Variants in URI1 observed in about 807,000 individuals in gnomAD.
The protein encoded by URI1 is URI1 prefoldin like chaperone.
URI1 carries 39 observed loss-of-function variants against 60.2 expected under a neutral mutation model. The ratio of observed to expected loss-of-function variants is 0.65; its 90% confidence interval spans 0.50 to 0.85. The LOEUF (loss-of-function observed/expected upper bound fraction) is 0.85, where lower values mean the gene tolerates loss of function less well. Among genes scored for constraint, URI1 ranks in the 40% least tolerant of loss-of-function variants. URI1 has a pLI of 0.00. For synonymous variants in URI1, 251 were observed against 236.8 expected, an observed-to-expected ratio of 1.06 and a Z score of -0.55; for missense variants, 691 against 665.9, an observed-to-expected ratio of 1.04 and a Z score of -0.42.
chr19:29,931,204 G>A (rs1371960205), intron 1 of URI1, among the ~76,000 whole-genome samples: 1 of 152,156 alleles, frequency 6.6e-6, no homozygotes, highest in South Asian at 2.1e-4. Flanking sequence ...TGAATCTGTG[G>A]ATGGCTTTGG....
chr19:29,931,910 T>TTTTGTGTG (rs1555734364), intron 1 of URI1, among the ~76,000 whole-genome samples: 1 of 139,992 alleles, frequency 7.1e-6, no homozygotes, highest in Non-Finnish European at 1.5e-5. Context: ...GCTCTAACAG[T>TTTTGTGTG]TGTGTGTGTG....
At position 30,015,288 on chromosome 19, in the gene URI1, A is replaced by G. The variant is rs2056072618; in HGVS notation, c.*219A>G. On this transcript the variant is annotated 3_prime_UTR_variant, in exon 11 of 11. Transcript: ENST00000392271. ...TTTTGTGAATTCTCTGAATACTGTC[A>G]ACACTCTTATCTAAGTTTGCCTTTA... 1.2e-5 allele frequency: 17 copies of G among 1,419,130 alleles called. No individual in the cohort carries two copies. In the South Asian group the frequency reaches 2.6e-4, roughly 22 times the overall value. 87.9% of individuals were successfully genotyped at this position (1,419,130 alleles called of 1,614,324 possible).
chr19:30,008,980 T>G, intron 7 of URI1, 25 bp from the exon 8 acceptor site: 1 of 1,529,118 alleles, frequency 6.5e-7, no homozygotes, highest in Non-Finnish European at 8.9e-7. Context: ...GTTTGTTTGA[T>G]CTTGTTAATT....
At chr19:29,936,007 A>G (rs750743935) in intron 1 of URI1, among the ~76,000 whole-genome samples, 198 of 152,226 alleles carry the variant, frequency 1.3e-3, no homozygotes, top group Non-Finnish European at 2.2e-3. Flanking sequence ...AGGCTGGTCT[A>G]GAATGCCTGA....
At chr19:29,994,781 ATT>A (rs539678001) in intron 4 of URI1, among the ~76,000 whole-genome samples, 53 of 136,432 alleles carry the variant, frequency 3.9e-4, no homozygotes, top group East Asian at 4.3e-4. Context: ...AATTCTGTGG[ATT>A]TTTTTTTTTT....
chr19:29,979,706 G>A (rs2145353327), intron 2 of URI1, among the ~76,000 whole-genome samples: 1 of 152,108 alleles, frequency 6.6e-6, no homozygotes, highest in Middle Eastern at 3.4e-3. Context: ...AAAGTTTTCT[G>A]ATGGACTCAT....
At chr19:29,956,958 C>A in intron 1 of URI1, 2 of 938,948 alleles carry the variant, frequency 2.1e-6, no homozygotes, top group South Asian at 2.6e-5. Flanking sequence ...TCTGGAATGT[C>A]AACAGTCTGA....
At chr19:29,960,121 C>G (rs1256589336) in intron 1 of URI1, among the ~76,000 whole-genome samples, 2 of 152,118 alleles carry the variant, frequency 1.3e-5, no homozygotes, top group African/African-American at 4.8e-5. Context: ...TTATTTTCTA[C>G]TTATTTTTCT....
At chr19:29,975,088 G>A (rs1042954580) in intron 2 of URI1, among the ~76,000 whole-genome samples, 2 of 150,994 alleles carry the variant, frequency 1.3e-5, no homozygotes, top group African/African-American at 4.9e-5. Flanking sequence ...TTTTTTGGGT[G>A]GTCTGTATTC....
chr19:30,011,237 G>C lies in URI1; in HGVS notation c.1178+1G>C, dbSNP rs781775165. On this transcript the variant is annotated splice_donor_variant, in intron 9 of 10. Transcript: ENST00000392271. LOFTEE classifies it high-confidence loss of function. ...TCAGGACGCCTGCAGACATTTACAGGTGGGAGGCGCTCACAGCTGCAGGGC... is the reference window on the plus strand; with the variant it reads ...TCAGGACGCCTGCAGACATTTACAGCTGGGAGGCGCTCACAGCTGCAGGGC... 6.2e-7 allele frequency: 1 copy of C among 1,600,020 alleles called. No homozygotes were observed.
In URI1 at chr19:29,986,149, C is replaced by T; in HGVS notation, c.232-133C>T. Reference sequence around the variant, plus strand: ...AATATAGTGTTGAATTTCTGTGAAGCTGGCATTTTATTTTTCCCAATGTAT... The same window carrying T: ...AATATAGTGTTGAATTTCTGTGAAGTTGGCATTTTATTTTTCCCAATGTAT... On this transcript the variant is annotated intron_variant, in intron 3 of 10. Transcript: ENST00000392271. 3 of 851,456 alleles carry T rather than the reference C, an allele frequency of 3.5e-6. No individual in the cohort carries two copies. The East Asian group carries it at 9.8e-5, about 28-fold the overall frequency. 52.7% of individuals were successfully genotyped at this position (851,456 alleles called of 1,614,324 possible). A position where few individuals can be genotyped will look rare whatever the true frequency, so the allele number is the denominator to read the frequency against.
At chr19:29,951,716 T>C (rs1034944202) in intron 1 of URI1, among the ~76,000 whole-genome samples, 3 of 152,016 alleles carry the variant, frequency 2.0e-5, no homozygotes, top group Non-Finnish European at 4.4e-5. Context: ...CCAGCTACTT[T>C]TTTGTATTTT....
intron 4 of URI1, among the ~76,000 whole-genome samples, chr19:30,002,606 T>C (rs1036334459): frequency 6.6e-6 from 1 of 151,970 alleles, no homozygotes; most frequent in African/African-American, 2.4e-5. Flanking sequence ...ACTTCTGATT[T>C]TTAGTTAAAA....
intron 2 of URI1, among the ~76,000 whole-genome samples, chr19:29,971,893 C>G (rs1424436960): frequency 6.6e-6 from 1 of 151,946 alleles, no homozygotes; most frequent in African/African-American, 2.4e-5. Context: ...CCATGCTGTG[C>G]TTACGAAGGT....
intron 2 of URI1, among the ~76,000 whole-genome samples, chr19:29,983,729 A>G (rs771502223): frequency 2.6e-5 from 4 of 152,206 alleles, no homozygotes; most frequent in Admixed American, 6.5e-5. Flanking sequence ...GCATCTTGGC[A>G]TAGGCTGCTG....
At chr19:30,013,153 A>C (rs1225052454) in intron 10 of URI1, among the ~76,000 whole-genome samples, 1 of 152,224 alleles carries the variant, frequency 6.6e-6, no homozygotes, top group African/African-American at 2.4e-5. Context: ...GTGAAATATA[A>C]GGCTATTGAT....
chr19:29,937,390 T>A (rs545186627), upstream of URI1, among the ~76,000 whole-genome samples: 1 of 152,346 alleles, frequency 6.6e-6, no homozygotes, highest in South Asian at 2.1e-4. Flanking sequence ...AATTCTTTTT[T>A]TCCCCCTGTG....
chr19:29,995,552 TAA>T (rs34134350), intron 4 of URI1, among the ~76,000 whole-genome samples: 1 of 147,620 alleles, frequency 6.8e-6, no homozygotes, highest in Non-Finnish European at 1.5e-5. Flanking sequence ...TTGTCTTACT[TAA>T]AAAAAAAAAT....
At chr19:29,928,971 G>A (rs1174410459) in intron 1 of URI1, among the ~76,000 whole-genome samples, 1 of 152,224 alleles carries the variant, frequency 6.6e-6, no homozygotes, top group African/African-American at 2.4e-5. Flanking sequence ...TTTAGAGAAA[G>A]TGAGGCTCCA....
Sources: gnomAD v4.1 joint callset for allele counts (sites outside exome capture counted in the v4.1 genomes callset) on GRCh38, gnomAD v4.1.1 for gene constraint, MANE v1.5 for transcripts, NCBI Gene and HGNC (gene_info 2026-07-23, HGNC 2026-07-21) for gene names.